AFF3: variants seen among roughly 807,000 people sequenced by gnomAD.
AFF3 encodes the protein ALF transcription elongation factor 3.
AFF3 carries 32 observed loss-of-function variants against 129.7 expected under a neutral mutation model. The observed-to-expected ratio is 0.25, with a 90% confidence interval of 0.19 to 0.33. The LOEUF (loss-of-function observed/expected upper bound fraction) is 0.33, where lower values mean the gene tolerates loss of function less well. AFF3 is among the 10% of genes least tolerant of loss of function. The pLI is 1.00. For synonymous variants in AFF3, 644 were observed against 635.4 expected, an observed-to-expected ratio of 1.01 and a Z score of -0.20; for missense variants, 1,373 against 1,592.0, an observed-to-expected ratio of 0.86 and a Z score of 2.34.
In AFF3 at chr2:99,656,069, C is replaced by G. The variant is rs182075890; in HGVS notation, c.1144-6403G>C. Among the ~76,000 whole-genome samples, 12 of 152,198 alleles carry G rather than the reference C, an allele frequency of 7.9e-5. No homozygotes were observed. In the East Asian group the frequency reaches 2.3e-3, roughly 29 times the overall value. On this transcript the variant is annotated intron_variant, in intron 12 of 24. Coordinates refer to ENST00000672756, the MANE Select transcript of AFF3 (RefSeq NM_001386135.1). ...GGGGCATAAGAGCAGGGGGCAAAGG[C>G]AGAATTGAGTGTTGGGTGTGTGAAG...
At chr2:100,101,150 A>G (rs1690693865) in intron 4 of AFF3, among the ~76,000 whole-genome samples, 1 of 152,240 alleles carries the variant, frequency 6.6e-6, no homozygotes, top group South Asian at 2.1e-4. Context: ...AAGAGTAAGT[A>G]TGGATGTTTC....
intron 2 of AFF3, among the ~76,000 whole-genome samples, chr2:100,122,183 C>T (rs939938713): frequency 2.0e-5 from 3 of 152,182 alleles, no homozygotes; most frequent in Non-Finnish European, 2.9e-5. Context: ...TCTAAAGTTG[C>T]CCTTCTCCAT....
intron 1 of AFF3, among the ~76,000 whole-genome samples, chr2:100,129,620 C>T (rs1300739708): frequency 6.6e-6 from 1 of 152,140 alleles, no homozygotes; most frequent in Non-Finnish European, 1.5e-5. Context: ...CTTCCCAATA[C>T]GTCTAATTCA....
At chr2:99,683,554 A>G (rs1168229930) in intron 11 of AFF3, among the ~76,000 whole-genome samples, 2 of 151,950 alleles carry the variant, frequency 1.3e-5, no homozygotes, top group Non-Finnish European at 2.9e-5. Context: ...GGCTCAAGTG[A>G]TCCTCCTGCC....
intron 13 of AFF3, among the ~76,000 whole-genome samples, chr2:99,616,864 T>C (rs1159956433): frequency 6.6e-6 from 1 of 152,232 alleles, no homozygotes; most frequent in Non-Finnish European, 1.5e-5. Flanking sequence ...CCTGTAGCTA[T>C]AAATTTGCCT....
chr2:99,940,174 C>A (rs958788353), intron 7 of AFF3, among the ~76,000 whole-genome samples: 3 of 152,112 alleles, frequency 2.0e-5, no homozygotes, highest in African/African-American at 2.4e-5. Context: ...TCTATGTATG[C>A]TGGTACACTT....
rs1362349819 is a variant in AFF3, at chr2:99,549,089, C to T, written c.*2385G>A. ...ATAGATGTTACAACAAAGTCTGCAA[C>T]TTTCAAGGTGGGCAGGACCAGAGAA... On this transcript the variant is annotated 3_prime_UTR_variant, in exon 25 of 25. Coordinates refer to ENST00000672756, the MANE Select transcript of AFF3 (RefSeq NM_001386135.1). 3 of 226,464 alleles carry T rather than the reference C, an allele frequency of 1.3e-5. No individual in the cohort carries two copies. Among genetic ancestry groups the T allele is most frequent in the Non-Finnish European group, 2.6e-5 (3 of 113,930 alleles). The allele number at this position is 226,464 out of a possible 1,614,324, so 14.0% of individuals were successfully genotyped here. A position where few individuals can be genotyped will look rare whatever the true frequency, so the allele number is the denominator to read the frequency against.
At chr2:99,968,110 C>T (rs554559720) in intron 7 of AFF3, among the ~76,000 whole-genome samples, 2 of 152,286 alleles carry the variant, frequency 1.3e-5, no homozygotes, top group South Asian at 4.1e-4. Flanking sequence ...GTTCCCTCAT[C>T]CTCCTCTCAA....
At chr2:100,073,301 C>T (rs1249239809) in intron 4 of AFF3, among the ~76,000 whole-genome samples, 1 of 152,232 alleles carries the variant, frequency 6.6e-6, no homozygotes, top group Non-Finnish European at 1.5e-5. Context: ...CACAGGCATG[C>T]ACACAGGCAG....
chr2:99,846,733 G>A (rs933197043), intron 7 of AFF3, among the ~76,000 whole-genome samples: 2 of 152,190 alleles, frequency 1.3e-5, no homozygotes, highest in Non-Finnish European at 2.9e-5. Context: ...GTGCTGCTGC[G>A]TATTTGACGA....
chr2:100,127,415 A>G (rs1692240364), intron 2 of AFF3, among the ~76,000 whole-genome samples: 1 of 152,110 alleles, frequency 6.6e-6, no homozygotes. Context: ...AAGGTTGAGG[A>G]CATTTGCCCA....
At chr2:99,983,572 G>C (rs1449746160) in intron 7 of AFF3, among the ~76,000 whole-genome samples, 2 of 152,172 alleles carry the variant, frequency 1.3e-5, no homozygotes, top group Admixed American at 6.5e-5. Flanking sequence ...GCCATCTGAG[G>C]GGAGAACCTC....
intron 2 of AFF3, among the ~76,000 whole-genome samples, chr2:100,116,215 T>G (rs1439660214): frequency 6.6e-6 from 1 of 152,174 alleles, no homozygotes; most frequent in Non-Finnish European, 1.5e-5. Context: ...TTCTCCTTTT[T>G]GCCTTTCTAT....
intron 20 of AFF3, among the ~76,000 whole-genome samples, 188 bp downstream of exon 20, chr2:99,565,299 G>T (rs1382117928): frequency 6.6e-6 from 1 of 152,118 alleles, no homozygotes; most frequent in Non-Finnish European, 1.5e-5. Context: ...TGCCCCCCTT[G>T]CTCACGGAGG....
chr2:99,759,639 G>A (rs1240243007), intron 8 of AFF3, among the ~76,000 whole-genome samples: 5 of 152,102 alleles, frequency 3.3e-5, no homozygotes, highest in Non-Finnish European at 5.9e-5. Context: ...AGAAAATATG[G>A]TTACTTAAAG....
At chr2:99,638,657 A>T (rs1161102938) in intron 13 of AFF3, among the ~76,000 whole-genome samples, 1 of 152,136 alleles carries the variant, frequency 6.6e-6, no homozygotes, top group Non-Finnish European at 1.5e-5. Flanking sequence ...AGCACCTCAA[A>T]CCCAGGAAAG....
chr2:99,857,167 T>C (rs1482668384), intron 7 of AFF3, among the ~76,000 whole-genome samples: 2 of 152,196 alleles, frequency 1.3e-5, no homozygotes, highest in Non-Finnish European at 2.9e-5. Flanking sequence ...GTGAAACTGA[T>C]CATCTTTCAC....
At chr2:99,701,251 A>G (rs773715525) in intron 11 of AFF3, among the ~76,000 whole-genome samples, 3 of 152,140 alleles carry the variant, frequency 2.0e-5, no homozygotes, top group Non-Finnish European at 4.4e-5. Flanking sequence ...TGGCACACCA[A>G]AGTGAGGTGT....
chr2:99,653,247 T>C (rs1685438306), intron 12 of AFF3, among the ~76,000 whole-genome samples: 1 of 152,226 alleles, frequency 6.6e-6, no homozygotes, highest in African/African-American at 2.4e-5. Context: ...AATGTATTAT[T>C]AGTATTGTCT....
Sources: gnomAD v4.1 joint callset for allele counts (sites outside exome capture counted in the v4.1 genomes callset) on GRCh38, gnomAD v4.1.1 for gene constraint, MANE v1.5 for transcripts, NCBI Gene and HGNC (gene_info 2026-07-23, HGNC 2026-07-21) for gene names.